Variants in CDYL observed in about 807,000 individuals in gnomAD.
CDYL encodes chromodomain Y-like protein.
A neutral mutation model predicts 47.3 loss-of-function variants in CDYL; 8 were observed. The ratio of observed to expected loss-of-function variants is 0.17; its 90% CI spans 0.10 to 0.31. The LOEUF (loss-of-function observed/expected upper bound fraction) is 0.31. Among genes scored for constraint, CDYL ranks in the 10% least tolerant of loss-of-function variants. The probability of loss-of-function intolerance (pLI) is 1.00; values close to 1 mark genes in which losing one functional copy is unlikely to be tolerated. For synonymous variants in CDYL, 266 were observed against 265.0 expected (o/e 1.00, Z -0.04); for missense variants, 471 against 701.4 (o/e 0.67, Z 3.71).
At chr6:4,773,023 A>G, upstream of CDYL, 1 of 411,588 alleles carries the variant, frequency 2.4e-6, no homozygotes. The surrounding 1 kb of genome is among the most constrained non-coding windows in gnomAD (Gnocchi z 4.6). Flanking sequence ...CTCAGATTTC[A>G]GGTTTTAGTT....
At chr6:4,795,708 C>CT (rs554269888) in intron 1 of CDYL, among the ~76,000 whole-genome samples, 1,590 of 143,406 alleles carry the variant, frequency 0.011, 11 homozygotes, top group Non-Finnish European at 0.017. Context: ...TTTCTTTTCT[C>CT]TTTTTTTTTT....
chr6:4,822,834 A>T (rs1759878584), intron 1 of CDYL, among the ~76,000 whole-genome samples: 1 of 152,254 alleles, frequency 6.6e-6, no homozygotes, highest in Admixed American at 6.5e-5. Context: ...TTTGTTGTTC[A>T]GATGTGACCC....
At chr6:4,858,101 C>A (rs1761061970) in intron 1 of CDYL, among the ~76,000 whole-genome samples, 2 of 145,872 alleles carry the variant, frequency 1.4e-5, no homozygotes, top group South Asian at 4.3e-4. Context: ...GTGCTTATTT[C>A]TGAATGCAAG....
chr6:4,810,132 T>C (rs865978481), intron 1 of CDYL, among the ~76,000 whole-genome samples: 3 of 152,164 alleles, frequency 2.0e-5, no homozygotes, highest in Non-Finnish European at 4.4e-5. Context: ...TGTGTGTTTA[T>C]TTTTGCCTTT....
At chr6:4,918,466 A>T (rs986445216) in intron 2 of CDYL, among the ~76,000 whole-genome samples, 5 of 151,938 alleles carry the variant, frequency 3.3e-5, no homozygotes, top group Non-Finnish European at 7.4e-5. Context: ...AAAGGCTTTA[A>T]AAAGGAAATA....
At chr6:4,768,604 G>A (rs1758290979) in intron 3 of CDYL, among the ~76,000 whole-genome samples, 1 of 152,046 alleles carries the variant, frequency 6.6e-6, no homozygotes, top group South Asian at 2.1e-4. Context: ...TTAATAAGTG[G>A]GGGAGAAGAG....
intron 5 of CDYL, among the ~76,000 whole-genome samples, chr6:4,944,392 A>G (rs1758451056): frequency 6.6e-6 from 1 of 152,246 alleles, no homozygotes; most frequent in South Asian, 2.1e-4. Context: ...GAAGAGGTCA[A>G]AGTGATACTA....
chr6:4,735,766 CA>C (rs575634775), intron 3 of CDYL, among the ~76,000 whole-genome samples: 34 of 145,346 alleles, frequency 2.3e-4, no homozygotes, highest in Admixed American at 3.4e-4. Context: ...AACTCCATCT[CA>C]AAAAAAAAAA....
chr6:4,826,439 T>G (rs1273171738), intron 1 of CDYL, among the ~76,000 whole-genome samples: 1 of 152,182 alleles, frequency 6.6e-6, no homozygotes, highest in Admixed American at 6.5e-5. Context: ...AGGTGTAAAG[T>G]TAGGCTGCTG....
At chr6:4,947,233 T>G (rs1758550436) in intron 5 of CDYL, among the ~76,000 whole-genome samples, 1 of 152,194 alleles carries the variant, frequency 6.6e-6, no homozygotes, top group Admixed American at 6.5e-5. Context: ...TTGCCTTATC[T>G]TCTAGCAAGG....
intron 1 of CDYL, among the ~76,000 whole-genome samples, chr6:4,815,656 G>A (rs7762268): frequency 7.3e-6 from 1 of 137,208 alleles, no homozygotes; most frequent in South Asian, 2.4e-4. Context: ...TGTGATTGTT[G>A]TAATAGTGAG....
intron 1 of CDYL, among the ~76,000 whole-genome samples, chr6:4,871,376 A>G (rs970167381): frequency 6.6e-6 from 1 of 152,204 alleles, no homozygotes; most frequent in African/African-American, 2.4e-5. Flanking sequence ...GGCTGCCCCA[A>G]AAAGTTTTGG....
intron 3 of CDYL, among the ~76,000 whole-genome samples, chr6:4,738,189 A>G (rs1468142325): frequency 3.3e-5 from 5 of 152,152 alleles, no homozygotes. Flanking sequence ...CAGCCTGGCC[A>G]ACATGGTGAA....
At chr6:4,833,423 C>T (rs1216217796) in intron 1 of CDYL, among the ~76,000 whole-genome samples, 2 of 151,890 alleles carry the variant, frequency 1.3e-5, no homozygotes, top group Non-Finnish European at 2.9e-5. Flanking sequence ...TTTGATTGCA[C>T]TGTGGTCTGA....
chr6:4,720,054 G>A lies in CDYL; in HGVS notation c.103+4173G>A, dbSNP rs114912661. 6.1e-3 allele frequency among the ~76,000 whole-genome samples: 929 copies of A among 152,212 alleles called. 10 individuals are homozygous for A. The highest frequency in any genetic ancestry group is 0.021 in the African/African-American group (863 of 41,524). On this transcript the variant is annotated intron_variant, in intron 2 of 8. Coordinates refer to the CDYL transcript ENST00000328908. Reference sequence around the variant, plus strand: ...ATTAATCTTTACTGCATTATTAATCGCAAATCTCACCAACTAACCTTGCAA... The same window carrying A: ...ATTAATCTTTACTGCATTATTAATCACAAATCTCACCAACTAACCTTGCAA...
At chr6:4,718,118 T>G (rs1757303893) in intron 2 of CDYL, among the ~76,000 whole-genome samples, 1 of 152,068 alleles carries the variant, frequency 6.6e-6, no homozygotes, top group African/African-American at 2.4e-5. Flanking sequence ...ATTATAGGTG[T>G]GAGCCACTAG....
intron 1 of CDYL, among the ~76,000 whole-genome samples, chr6:4,867,233 T>C (rs763767577): frequency 2.6e-5 from 4 of 152,096 alleles, no homozygotes; most frequent in Non-Finnish European, 5.9e-5. Flanking sequence ...CATTTATTAG[T>C]TCTCAAAAGT....
chr6:4,758,349 T>TAAAA (rs1274065342), intron 3 of CDYL, among the ~76,000 whole-genome samples: 2 of 47,436 alleles, frequency 4.2e-5, no homozygotes, highest in African/African-American at 9.4e-5. Flanking sequence ...TGAAAATAAA[T>TAAAA]AAATATATAT....
chr6:4,824,704 T>C (rs1157326689), intron 1 of CDYL, among the ~76,000 whole-genome samples: 1 of 152,170 alleles, frequency 6.6e-6, no homozygotes, highest in Non-Finnish European at 1.5e-5. Flanking sequence ...CACACAAGTT[T>C]TTAATTGGTT....
Sources: allele counts gnomAD v4.1 joint callset (sites outside exome capture counted in the v4.1 genomes callset), GRCh38; gene constraint gnomAD v4.1.1; non-coding constraint Gnocchi (gnomAD v3.1); transcripts MANE v1.5; gene names NCBI Gene and HGNC (gene_info 2026-07-23, HGNC 2026-07-21).